SCCPDH: variants seen among roughly 807,000 people sequenced by gnomAD.
SCCPDH encodes saccharopine dehydrogenase (putative), also known as saccharopine dehydrogenase-like oxidoreductase.
In SCCPDH, 34 loss-of-function variants were observed where a neutral mutation model predicts 51.5. The observed-to-expected ratio is 0.66, with a 90% CI of 0.50 to 0.88. The LOEUF is 0.88. Ranked by LOEUF, SCCPDH falls within the 40% of genes least tolerant of loss-of-function variation. SCCPDH has a pLI of 0.00. For missense variants in SCCPDH, 464 were observed against 527.1 expected, an observed-to-expected ratio of 0.88 and a Z score of 1.17; for synonymous variants, 187 against 191.3, an observed-to-expected ratio of 0.98 and a Z score of 0.19.
intron 4 of SCCPDH, 36 bp downstream of exon 4, chr1:246,740,337 C>T (rs748876717): frequency 2.0e-6 from 3 of 1,527,782 alleles, no homozygotes; most frequent in South Asian, 1.3e-5. Context: ...TGGAATTTAA[C>T]AGTACCGTGC....
In SCCPDH at chr1:246,759,999, G is replaced by A. The variant is rs550888009; in HGVS notation, c.856G>A (p.Val286Ile). ...TGTAACTGTGGGAGGCATCACCTCT[G>A]TTATTAAGCTGATGTTTGCAGGACT... ...AYVTVGGITSVIKLMFAGLFF... is the reference protein window; with the variant it reads ...AYVTVGGITSIIKLMFAGLFF... The change falls in exon 8 of 12, where the codon GTT (valine) becomes ATT (isoleucine). Residue 286 changes from valine to isoleucine, a missense_variant. Transcript: ENST00000366510. 1 of 1,613,626 alleles carries A rather than the reference G, an allele frequency of 6.2e-7. No individual in the cohort carries two copies. The highest frequency in any genetic ancestry group is 1.7e-5 in the Admixed American group (1 of 59,990).
chr1:246,727,823 G>T (rs1668425119), intron 2 of SCCPDH, among the ~76,000 whole-genome samples: 1 of 152,190 alleles, frequency 6.6e-6, no homozygotes, highest in South Asian at 2.1e-4. Context: ...GAGAGGTGGA[G>T]AGTGGATCAG....
At chr1:246,728,816 G>A (rs1668440821) in intron 2 of SCCPDH, among the ~76,000 whole-genome samples, 1 of 152,060 alleles carries the variant, frequency 6.6e-6, no homozygotes, top group African/African-American at 2.4e-5. Flanking sequence ...CATATCTCTT[G>A]TTACAAGGAA....
chr1:246,751,245 A>T (rs1225785006), intron 5 of SCCPDH, among the ~76,000 whole-genome samples: 1 of 152,214 alleles, frequency 6.6e-6, no homozygotes, highest in African/African-American at 2.4e-5. Flanking sequence ...AGACATATTT[A>T]TCCAATTTTA....
At chr1:246,739,374 ACT>A (rs1668645464) in intron 3 of SCCPDH, among the ~76,000 whole-genome samples, 1 of 152,166 alleles carries the variant, frequency 6.6e-6, no homozygotes, top group Non-Finnish European at 1.5e-5. Context: ...GTAGAGGGGC[ACT>A]CTACAAAATG....
intron 4 of SCCPDH, among the ~76,000 whole-genome samples, chr1:246,742,368 G>A (rs1439821585): frequency 6.6e-6 from 1 of 152,114 alleles, no homozygotes; most frequent in African/African-American, 2.4e-5. Context: ...TTAGTTTAAG[G>A]TTTGTTTAAA....
intron 5 of SCCPDH, among the ~76,000 whole-genome samples, chr1:246,746,299 T>C (rs1054511203): frequency 6.6e-6 from 1 of 151,958 alleles, no homozygotes; most frequent in Non-Finnish European, 1.5e-5. Context: ...AACTGGGGGC[T>C]GCATGCACCG....
At chr1:246,726,868 T>C (rs1290611302) in intron 1 of SCCPDH, 24 bp from the exon 2 acceptor site, 4 of 1,521,602 alleles carry the variant, frequency 2.6e-6, no homozygotes, top group African/African-American at 2.7e-5. Context: ...GGATTTACTT[T>C]CCTTCATTTG....
rs1406646738 is a variant in SCCPDH, at chr1:246,759,032, A to C, written c.696-2A>C. The stretch of plus-strand genomic sequence containing the variant: ...CAAAATATTCATAGGTCTGTCTTGC[A>C]GGTGGCCAATTTCTTATTGTCGGGA... On this transcript the variant is annotated splice_acceptor_variant, in intron 6 of 11. Transcript: ENST00000366510. LOFTEE classifies it high-confidence loss of function. The C allele has an allele frequency of 6.6e-7, 1 of 1,510,550 alleles. No individual in the cohort carries two copies. Among genetic ancestry groups the C allele is most frequent in the Non-Finnish European group, 9.2e-7 (1 of 1,086,156 alleles). The allele number at this position is 1,510,550 out of a possible 1,614,324, so 93.6% of individuals were successfully genotyped here.
At chr1:246,751,006 T>C (rs966006465) in intron 5 of SCCPDH, among the ~76,000 whole-genome samples, 11 of 152,236 alleles carry the variant, frequency 7.2e-5, no homozygotes, top group Non-Finnish European at 1.5e-4. Flanking sequence ...AGTGGGTCCC[T>C]TGACGCAGCT....
In SCCPDH at chr1:246,760,182, C is replaced by G; in HGVS notation, c.945C>G (p.Phe315Leu). 6.2e-7 allele frequency: 1 copy of G among 1,608,938 alleles called. No homozygotes were observed. The highest frequency in any genetic ancestry group is 1.1e-5 in the South Asian group (1 of 89,132). The change falls in exon 9 of 12, where the codon TTC (phenylalanine) becomes TTG (leucine). Residue 315 changes from phenylalanine (F) to leucine (L), a missense_variant. Coordinates refer to ENST00000366510, the MANE Select transcript of SCCPDH (RefSeq NM_016002.3). ...GRQLLIKFPWFFSFGYFSKQG... is the reference protein window; with the variant it reads ...GRQLLIKFPWLFSFGYFSKQG... ...TTTTTTCCCTTTAGTTCCCATGGTT[C>G]TTCTCCTTTGGCTATTTTTCAAAAC...
At chr1:246,724,698 A>ACACGTAGGGCGCATCCC in intron 1 of SCCPDH, 86 bp downstream of exon 1, 1 of 1,233,670 alleles carries the variant, frequency 8.1e-7, no homozygotes, top group Non-Finnish European at 1.1e-6. Context: ...TCCCGCAGGG[A>ACACGTAGGGCGCATCCC]TGCGCCCTAC....
intron 5 of SCCPDH, among the ~76,000 whole-genome samples, chr1:246,748,344 A>G (rs2102986587): frequency 6.6e-6 from 1 of 152,332 alleles, no homozygotes; most frequent in South Asian, 2.1e-4. Context: ...TATCGGCTCC[A>G]GAATTTTAGC....
chr1:246,755,468 T>C (rs1668916654), intron 5 of SCCPDH: 1 of 152,246 alleles, frequency 6.6e-6, no homozygotes, highest in African/African-American at 2.4e-5. Flanking sequence ...TCTTTTCTTT[T>C]TACAAATCCA....
rs1273219956 is a variant in SCCPDH, at chr1:246,732,292, A to G, written c.304-3683A>G. Among the ~76,000 whole-genome samples, 3 of 152,162 alleles carry G rather than the reference A, an allele frequency of 2.0e-5. No homozygotes were observed. The East Asian group carries it at 5.8e-4, about 29-fold the overall frequency. Reference sequence around the variant, plus strand: ...TTGACAGGGTCTGAACTAAGATATAATTGTGCAGGGGAGAGGAGACTGATT... The same window carrying G: ...TTGACAGGGTCTGAACTAAGATATAGTTGTGCAGGGGAGAGGAGACTGATT... On this transcript the variant is annotated intron_variant, in intron 2 of 11. Transcript: ENST00000366510.
chr1:246,725,031 G>T (rs1161518264), intron 1 of SCCPDH, among the ~76,000 whole-genome samples: 1 of 152,178 alleles, frequency 6.6e-6, no homozygotes, highest in Non-Finnish European at 1.5e-5. Flanking sequence ...GTCTCTTGGA[G>T]ATCGGAGTCT....
chr1:246,725,576 T>G (rs939798865), intron 1 of SCCPDH, among the ~76,000 whole-genome samples: 1 of 152,232 alleles, frequency 6.6e-6, no homozygotes, highest in Non-Finnish European at 1.5e-5. Context: ...AATGCCCTGC[T>G]CGGAGTGCTT....
chr1:246,754,737 T>TG lies in SCCPDH; in HGVS notation c.565-3489_565-3488insG, dbSNP rs544325486. Among the ~76,000 whole-genome samples, 688 of 152,354 alleles carry TG rather than the reference T, an allele frequency of 4.5e-3. 6 individuals carry two copies. Among genetic ancestry groups the TG allele is most frequent in the African/African-American group, 0.015 (643 of 41,576 alleles). On this transcript the variant is annotated intron_variant, in intron 5 of 11. Coordinates refer to ENST00000366510, the MANE Select transcript of SCCPDH (RefSeq NM_016002.3). ...GTTATCTAATTTGTTGGCATACACT[T>TG]TTCATAGTATTCCTTTATACTCCTT... is the stretch of plus-strand genomic sequence containing the variant.
intron 9 of SCCPDH, among the ~76,000 whole-genome samples, chr1:246,762,168 T>G (rs1161142432): frequency 1.3e-5 from 2 of 152,218 alleles, no homozygotes; most frequent in Non-Finnish European, 2.9e-5. Context: ...CATTTGTATG[T>G]CTTCTTTGGA....
Sources: allele counts gnomAD v4.1 joint callset (sites outside exome capture counted in the v4.1 genomes callset), GRCh38; gene constraint gnomAD v4.1.1; transcripts MANE v1.5; gene names NCBI Gene and HGNC (gene_info 2026-07-23, HGNC 2026-07-21).